SETD2: variants seen among roughly 807,000 people sequenced by gnomAD.
SETD2 encodes the protein histone-lysine N-methyltransferase SETD2.
In SETD2, 31 loss-of-function variants were observed where a neutral mutation model predicts 242.1. The observed-to-expected ratio is 0.13, with a 90% CI of 0.10 to 0.17. The LOEUF (loss-of-function observed/expected upper bound fraction) is 0.17. Among genes scored for constraint, SETD2 ranks in the 10% least tolerant of loss-of-function variants. The probability of loss-of-function intolerance (pLI) is 1.00; values close to 1 mark genes in which losing one functional copy is unlikely to be tolerated. For synonymous variants in SETD2, 1,006 were observed against 1,066.5 expected, an observed-to-expected ratio of 0.94 and a Z score of 1.11; for missense variants, 2,481 against 3,046.3, an observed-to-expected ratio of 0.81 and a Z score of 4.37.
At chr3:47,054,824 T>C (rs956032631) in intron 15 of SETD2, among the ~76,000 whole-genome samples, 2 of 152,134 alleles carry the variant, frequency 1.3e-5, no homozygotes, top group African/African-American at 2.4e-5. Flanking sequence ...TGGATGACTA[T>C]ATAAGCAAAT....
Position 47,141,949 on chromosome 3 carries a change from G to A in SETD2, c.72-15286C>T, listed in dbSNP as rs556888029. Among the ~76,000 whole-genome samples the A allele has an allele frequency of 2.6e-5, 4 of 151,922 alleles. No homozygotes were observed. In the East Asian group the frequency reaches 7.7e-4, roughly 29 times the overall value. ...TAACACAACTACAAGTAGGGTAAAA[G>A]CTATCCATACCTTAAAAAAAACACT... On this transcript the variant is annotated intron_variant, in intron 1 of 20. Transcript: ENST00000409792.
chr3:47,144,349 A>G lies in SETD2; in HGVS notation c.72-17686T>C, dbSNP rs72895778. ...TCTCTAAAAAAAATTATAAAAATAA[A>G]TAAGTCCAGCCGGGTGCAGTGGCTC... On this transcript the variant is annotated intron_variant, in intron 1 of 20. Transcript: ENST00000409792. 4.3e-3 allele frequency among the ~76,000 whole-genome samples: 653 copies of G among 152,118 alleles called. 6 individuals carry two copies. The highest frequency in any genetic ancestry group is 0.014 in the African/African-American group (580 of 41,504).
At chr3:47,110,540 A>G (rs1026152809) in intron 5 of SETD2, among the ~76,000 whole-genome samples, 2 of 152,170 alleles carry the variant, frequency 1.3e-5, no homozygotes, top group South Asian at 2.1e-4. Context: ...TTTGGTAATA[A>G]CCTGCTTTTT....
intron 12 of SETD2, 122 bp from the exon 13 acceptor site, chr3:47,067,240 A>G (rs1339129412): frequency 1.3e-5 from 10 of 747,908 alleles, no homozygotes; most frequent in South Asian, 1.2e-4. Flanking sequence ...CTTATTCTCT[A>G]AAATTTGACT....
intron 1 of SETD2, among the ~76,000 whole-genome samples, chr3:47,153,518 G>A (rs2106831650): frequency 6.6e-6 from 1 of 152,332 alleles, no homozygotes; most frequent in Middle Eastern, 3.4e-3. Flanking sequence ...GGGAGGCCGA[G>A]GTGGGAGGAT....
chr3:47,139,567 T>C (rs1056308175), intron 1 of SETD2, among the ~76,000 whole-genome samples: 2 of 152,210 alleles, frequency 1.3e-5, no homozygotes. Flanking sequence ...AAGAAACTCC[T>C]TAACAACAGT....
chr3:47,135,947 G>T (rs1332814491), intron 1 of SETD2, among the ~76,000 whole-genome samples: 1 of 151,910 alleles, frequency 6.6e-6, no homozygotes, highest in Non-Finnish European at 1.5e-5. Context: ...TTCTTTCCTA[G>T]GCTTTCACAG....
chr3:47,025,682 A>G (rs1270554861), intron 18 of SETD2, among the ~76,000 whole-genome samples: 1 of 152,092 alleles, frequency 6.6e-6, no homozygotes, highest in Non-Finnish European at 1.5e-5. Context: ...CACCTTATCT[A>G]CCTAGCATAC....
At chr3:47,049,304 A>AATATATATATATATAT (rs55952850) in intron 15 of SETD2, among the ~76,000 whole-genome samples, 7 of 108,590 alleles carry the variant, frequency 6.4e-5, no homozygotes, top group East Asian at 5.6e-4. Flanking sequence ...AAGTTTTCTA[A>AATATATATATATATAT]ATATATATAT....
At chr3:47,074,687 C>T (rs1031435147) in intron 12 of SETD2, among the ~76,000 whole-genome samples, 5 of 152,110 alleles carry the variant, frequency 3.3e-5, no homozygotes, top group African/African-American at 1.2e-4. Context: ...TTTTGAACCA[C>T]AGTTCATTCC....
intron 4 of SETD2, among the ~76,000 whole-genome samples, chr3:47,115,574 C>A (rs2042820974): frequency 6.6e-6 from 1 of 151,950 alleles, no homozygotes; most frequent in Non-Finnish European, 1.5e-5. Flanking sequence ...GGAAAAAAAA[C>A]CTTCACTAAC....
At chr3:47,080,239 G>A (rs1413534779) in intron 12 of SETD2, among the ~76,000 whole-genome samples, 1 of 152,184 alleles carries the variant, frequency 6.6e-6, no homozygotes, top group Non-Finnish European at 1.5e-5. Context: ...TGAAATAAGA[G>A]AAGAATAAGA....
At chr3:47,042,367 C>T (rs2039318907) in intron 17 of SETD2, among the ~76,000 whole-genome samples, 194 bp downstream of exon 17, 1 of 152,038 alleles carries the variant, frequency 6.6e-6, no homozygotes, top group African/African-American at 2.4e-5. Context: ...TAAAAATACA[C>T]CAAAACAAAT....
intron 15 of SETD2, 95 bp from the exon 16 acceptor site, chr3:47,046,716 A>AT: frequency 9.4e-7 from 1 of 1,060,442 alleles, no homozygotes. Context: ...AGATATACCC[A>AT]TAACATTTTA....
intron 18 of SETD2, among the ~76,000 whole-genome samples, chr3:47,033,485 A>G (rs1163567515): frequency 6.6e-6 from 1 of 152,102 alleles, no homozygotes; most frequent in Non-Finnish European, 1.5e-5. Flanking sequence ...GGCTGGCTTG[A>G]AGCCTAGGGG....
chr3:47,108,914 G>A (rs2042545280), intron 5 of SETD2, among the ~76,000 whole-genome samples: 1 of 152,162 alleles, frequency 6.6e-6, no homozygotes, highest in African/African-American at 2.4e-5. Context: ...CAAAAACAAA[G>A]CAGAAAACAT....
At chr3:47,148,193 C>T (rs183066242) in intron 1 of SETD2, among the ~76,000 whole-genome samples, 152 of 152,030 alleles carry the variant, frequency 1.0e-3, no homozygotes, top group African/African-American at 3.4e-3. Context: ...TGCAGTGGCG[C>T]GATCTCAGCT....
chr3:47,117,924 T>C (rs1183786359), intron 3 of SETD2, among the ~76,000 whole-genome samples: 2 of 152,242 alleles, frequency 1.3e-5, no homozygotes, highest in Non-Finnish European at 2.9e-5. Context: ...AAAAGATCTG[T>C]TATGTTTAAG....
At chr3:47,045,125 C>T (rs1017285697) in intron 16 of SETD2, among the ~76,000 whole-genome samples, 3 of 152,168 alleles carry the variant, frequency 2.0e-5, no homozygotes, top group Admixed American at 6.5e-5. Context: ...TGGTGGCTCA[C>T]GCCTGTAATC....
Sources: gnomAD v4.1 joint callset for allele counts (sites outside exome capture counted in the v4.1 genomes callset) on GRCh38, gnomAD v4.1.1 for gene constraint, MANE v1.5 for transcripts, NCBI Gene and HGNC (gene_info 2026-07-23, HGNC 2026-07-21) for gene names.